SV2C: variants seen among roughly 807,000 people sequenced by gnomAD.
SV2C encodes synaptic vesicle glycoprotein 2C.
In SV2C, 49 loss-of-function variants were observed where a neutral mutation model predicts 79.7. The ratio of observed to expected loss-of-function variants is 0.61; its 90% CI spans 0.49 to 0.78. SV2C has a LOEUF of 0.78. Ranked by LOEUF, SV2C falls within the 30% of genes least tolerant of loss-of-function variation. The probability of loss-of-function intolerance (pLI) is 0.00; values close to 1 mark genes in which losing one functional copy is unlikely to be tolerated. For synonymous variants in SV2C, 334 were observed against 333.2 expected (o/e 1.00, Z -0.03); for missense variants, 833 against 912.9 (o/e 0.91, Z 1.13).
chr5:76,058,371 C>T, the SV2C span, among the ~76,000 whole-genome samples: 1 of 152,116 alleles, frequency 6.6e-6, no homozygotes, highest in South Asian at 2.1e-4. Flanking sequence ...AAACTTGTTG[C>T]AACACTTCGG....
intron 3 of SV2C, among the ~76,000 whole-genome samples, chr5:76,202,127 C>T (rs1364835831): frequency 6.6e-6 from 1 of 151,840 alleles, no homozygotes; most frequent in African/African-American, 2.4e-5. Context: ...TGATTCTGAG[C>T]TATGAGGTTT....
chr5:76,136,954 T>C (rs561323280), intron 2 of SV2C, among the ~76,000 whole-genome samples: 210 of 152,300 alleles, frequency 1.4e-3, no homozygotes, highest in Admixed American at 2.0e-3. Flanking sequence ...CATGAAATCA[T>C]TAGACCTGTG....
At chr5:76,079,695 A>C (rs1746951278), upstream of SV2C, 2 of 328,526 alleles carry the variant, frequency 6.1e-6, no homozygotes, top group South Asian at 6.9e-5. Context: ...GAATTCTCAA[A>C]GGAGATCGTC....
downstream of SV2C, among the ~76,000 whole-genome samples, chr5:76,337,221 T>C (rs931690572): frequency 6.6e-6 from 1 of 152,112 alleles, no homozygotes; most frequent in African/African-American, 2.4e-5. Context: ...CAGGACTCTC[T>C]CCTTGGCTTG....
the SV2C span, among the ~76,000 whole-genome samples, chr5:75,905,930 A>G: frequency 1.0e-4 from 15 of 148,210 alleles, no homozygotes; most frequent in Non-Finnish European, 1.6e-4. Context: ...AGATGAAGTC[A>G]TACTAGATAG....
chr5:76,193,760 A>T (rs1295114362), intron 2 of SV2C, among the ~76,000 whole-genome samples: 1 of 152,134 alleles, frequency 6.6e-6, no homozygotes, highest in Non-Finnish European at 1.5e-5. Context: ...TCATTTCACA[A>T]CCCTGGCTAG....
the SV2C span, among the ~76,000 whole-genome samples, chr5:75,927,627 A>G: frequency 1.3e-5 from 2 of 152,290 alleles, no homozygotes; most frequent in South Asian, 4.1e-4. Flanking sequence ...TCTAAATGGA[A>G]GAGGATAATC....
the SV2C span, among the ~76,000 whole-genome samples, chr5:76,008,850 C>T: frequency 2.0e-5 from 3 of 152,148 alleles, no homozygotes; most frequent in African/African-American, 7.2e-5. Flanking sequence ...GGCCTATTAG[C>T]TCCCGTGACC....
At chr5:75,864,363 A>G in the SV2C span, among the ~76,000 whole-genome samples, 554 of 150,096 alleles carry the variant, frequency 3.7e-3, 2 homozygotes, top group African/African-American at 0.013. Context: ...CATTCATTTA[A>G]TTAATAGTAC....
chr5:75,943,163 T>C, the SV2C span, among the ~76,000 whole-genome samples: 1 of 152,070 alleles, frequency 6.6e-6, no homozygotes, highest in African/African-American at 2.4e-5. Flanking sequence ...AAGAGTGGGG[T>C]CCTTCAGGAA....
At chr5:75,951,559 G>A in the SV2C span, among the ~76,000 whole-genome samples, 16 of 151,948 alleles carry the variant, frequency 1.1e-4, no homozygotes, top group Non-Finnish European at 1.9e-4. Context: ...TGCTTCAAGG[G>A]GTTCTCTGGC....
At chr5:76,090,876 G>A (rs753803051) in intron 1 of SV2C, among the ~76,000 whole-genome samples, 26 of 152,186 alleles carry the variant, frequency 1.7e-4, no homozygotes, top group Non-Finnish European at 2.8e-4. Context: ...CACGCAGCAC[G>A]GAAGTTTCTG....
chr5:75,921,258 G>T, the SV2C span: 2 of 1,466,294 alleles, frequency 1.4e-6, no homozygotes, highest in East Asian at 4.5e-5. Flanking sequence ...ATGAGGATCT[G>T]CAGGTCCTCC....
chr5:75,966,735 C>A, the SV2C span, among the ~76,000 whole-genome samples: 11 of 152,210 alleles, frequency 7.2e-5, no homozygotes, highest in East Asian at 2.1e-3. Context: ...TGTACTCTGA[C>A]ACTTCAATAA....
the SV2C span, among the ~76,000 whole-genome samples, chr5:75,991,664 G>GAT: frequency 6.7e-5 from 10 of 148,468 alleles, no homozygotes; most frequent in African/African-American, 1.7e-4. Flanking sequence ...AAAACCATCA[G>GAT]ATATATATAT....
intron 4 of SV2C, among the ~76,000 whole-genome samples, chr5:76,251,677 C>T (rs1237716916): frequency 1.3e-5 from 2 of 152,174 alleles, no homozygotes; most frequent in Non-Finnish European, 2.9e-5. Context: ...AGGTGATACT[C>T]ACTCTGCTGA....
the SV2C span, among the ~76,000 whole-genome samples, chr5:75,946,015 T>C: frequency 7.7e-6 from 1 of 129,452 alleles, no homozygotes; most frequent in Admixed American, 7.1e-5. Flanking sequence ...TCCACATACA[T>C]AAGTTAGAAA....
chr5:76,234,468 C>T (rs1024964504), intron 4 of SV2C, among the ~76,000 whole-genome samples: 3 of 122,440 alleles, frequency 2.5e-5, no homozygotes, highest in Admixed American at 7.3e-5. Context: ...GAAAGTTTTC[C>T]GGAGTTTTTA....
intron 3 of SV2C, among the ~76,000 whole-genome samples, chr5:76,202,853 G>T (rs1027173863): frequency 6.6e-6 from 1 of 151,992 alleles, no homozygotes; most frequent in African/African-American, 2.4e-5. Context: ...ATAAAAGAAT[G>T]CAAAATATCT....
Sources: allele counts gnomAD v4.1 joint callset (sites outside exome capture counted in the v4.1 genomes callset), GRCh38; gene constraint gnomAD v4.1.1; transcripts MANE v1.5; gene names NCBI Gene and HGNC (gene_info 2026-07-23, HGNC 2026-07-21).